Variants in RNF182 observed in about 807,000 individuals in gnomAD.
The protein encoded by RNF182 is ring finger protein 182.
In RNF182, 15 loss-of-function variants were observed where a neutral mutation model predicts 14.4. The ratio of observed to expected loss-of-function variants is 1.04; its 90% CI spans 0.70 to 1.60. The LOEUF is 1.60. Ranked by LOEUF, RNF182 falls within the 40% of genes most tolerant of loss-of-function variation. RNF182 has a pLI of 0.00. For missense variants in RNF182, 268 were observed against 294.8 expected (o/e 0.91, Z 0.67); for synonymous variants, 128 against 122.9 (o/e 1.04, Z -0.27).
intron 1 of RNF182, among the ~76,000 whole-genome samples, chr6:13,961,799 T>A (rs1759891058): frequency 6.6e-6 from 1 of 152,166 alleles, no homozygotes; most frequent in Non-Finnish European, 1.5e-5. Flanking sequence ...GAGTTTTAAT[T>A]GTTGAGGGAG....
intron 1 of RNF182, among the ~76,000 whole-genome samples, chr6:13,962,979 G>GT (rs1379532879): frequency 1.3e-5 from 2 of 151,868 alleles, no homozygotes; most frequent in Admixed American, 6.6e-5. Context: ...TTTTTGTTTT[G>GT]TTTTTTTGAG....
intron 1 of RNF182, among the ~76,000 whole-genome samples, chr6:13,937,277 T>C (rs1231304368): frequency 6.6e-6 from 1 of 152,222 alleles, no homozygotes; most frequent in East Asian, 1.9e-4. Context: ...CATCAAAAAA[T>C]AGAAGATTAC....
intron 1 of RNF182, chr6:13,961,601 C>A (rs1029211259): frequency 3.9e-5 from 6 of 152,120 alleles, no homozygotes; most frequent in African/African-American, 9.7e-5. Context: ...TATTCCTGAA[C>A]ATTTATTGGT....
chr6:13,962,002 A>G (rs1006076982), intron 1 of RNF182, among the ~76,000 whole-genome samples: 3 of 152,166 alleles, frequency 2.0e-5, no homozygotes, highest in African/African-American at 4.8e-5. Flanking sequence ...TGGCATTTTA[A>G]TGAAAGGCAT....
intron 2 of RNF182, among the ~76,000 whole-genome samples, chr6:13,976,209 T>C (rs1365453111): frequency 6.6e-6 from 1 of 152,234 alleles, no homozygotes; most frequent in African/African-American, 2.4e-5. Flanking sequence ...GGACTTAGAC[T>C]TGACTTGTTC....
intron 1 of RNF182, among the ~76,000 whole-genome samples, chr6:13,963,578 TCA>T (rs1384904157): frequency 4.6e-5 from 7 of 152,212 alleles, no homozygotes; most frequent in Admixed American, 4.6e-4. Flanking sequence ...TCTAATGGTC[TCA>T]CATGACTAGA....
At chr6:13,960,694 C>T (rs570360477) in intron 1 of RNF182, among the ~76,000 whole-genome samples, 21 of 116,606 alleles carry the variant, frequency 1.8e-4, no homozygotes, top group South Asian at 5.8e-4. Context: ...TGTGTGTGTG[C>T]GCGCGTGCAC....
At chr6:13,928,083 G>A (rs1341262351) in intron 1 of RNF182, among the ~76,000 whole-genome samples, 1 of 152,160 alleles carries the variant, frequency 6.6e-6, no homozygotes, top group Non-Finnish European at 1.5e-5. Flanking sequence ...ATTGATAGAA[G>A]CTGAAAAACT....
At chr6:13,949,058 C>T (rs1759515500) in intron 1 of RNF182, 1 of 643,306 alleles carries the variant, frequency 1.6e-6, no homozygotes, top group South Asian at 1.8e-5. Flanking sequence ...TTTTCACAAA[C>T]CTTTTATAAC....
At position 13,935,405 on chromosome 6, in the gene RNF182, TCA is replaced by T. The variant is rs983139023; in HGVS notation, c.-367+10391_-367+10392del. Among the ~76,000 whole-genome samples, 5 of 152,152 alleles carry T rather than the reference TCA, an allele frequency of 3.3e-5. No individual in the cohort carries two copies. In the East Asian group the frequency reaches 7.7e-4, roughly 23 times the overall value. Reference sequence around the variant, plus strand: ...CTGTCAATTCAGCATTTTCCATATTTCACACACACAAGATATGTGTGTGTATC... The same window carrying T: ...CTGTCAATTCAGCATTTTCCATATTTCACACACAAGATATGTGTGTGTATC... On this transcript the variant is annotated intron_variant, in intron 1 of 2. Transcript: ENST00000488300.
intron 1 of RNF182, among the ~76,000 whole-genome samples, chr6:13,931,999 A>AT: frequency 6.6e-6 from 1 of 152,048 alleles, no homozygotes; most frequent in Admixed American, 6.5e-5. Context: ...CTGTGAACCA[A>AT]TAAGTGGTCT....
intron 1 of RNF182, among the ~76,000 whole-genome samples, chr6:13,962,744 C>G (rs763070048): frequency 3.3e-5 from 5 of 152,132 alleles, no homozygotes; most frequent in Non-Finnish European, 7.4e-5. Context: ...TGAAATTTGA[C>G]AGTTGTCTTT....
intron 1 of RNF182, among the ~76,000 whole-genome samples, chr6:13,967,031 C>G (rs976545558): frequency 6.6e-6 from 1 of 151,970 alleles, no homozygotes; most frequent in Non-Finnish European, 1.5e-5. Flanking sequence ...AGAGACAGAG[C>G]TTTGCCTTGT....
At chr6:13,935,422 G>A (rs146340915) in intron 1 of RNF182, among the ~76,000 whole-genome samples, 63 of 152,132 alleles carry the variant, frequency 4.1e-4, no homozygotes, top group African/African-American at 1.3e-3. Flanking sequence ...CACAAGATAT[G>A]TGTGTGTATC....
intron 1 of RNF182, among the ~76,000 whole-genome samples, chr6:13,958,497 G>A (rs1479239631): frequency 6.6e-6 from 1 of 152,176 alleles, no homozygotes; most frequent in East Asian, 1.9e-4. Context: ...ACTCAGAAGG[G>A]TGTGGTATAC....
chr6:13,978,678 G>C lies in RNF182; in HGVS notation c.*815G>C, dbSNP rs1237999218. The C allele has an allele frequency of 6.0e-6, 1 of 166,754 alleles. No homozygotes were observed. The highest frequency in any genetic ancestry group is 2.4e-5 in the African/African-American group (1 of 41,352). 10.3% of individuals were successfully genotyped at this position (166,754 alleles called of 1,614,324 possible). A position where few individuals can be genotyped will look rare whatever the true frequency, so the allele number is the denominator to read the frequency against. On this transcript the variant is annotated 3_prime_UTR_variant, in exon 3 of 3. Transcript: ENST00000488300. ...TCTTTCCTTATAACATCTTAGTTTT[G>C]GTTTTTTTAAACCACATTGCCCAAT...
At position 13,978,939 on chromosome 6, in the gene RNF182, A is replaced by C. The variant is rs1194914023; in HGVS notation, c.*1076A>C. ...GCTGTACGGTACTGAGCTGTACCAA[A>C]ATATGATGGTTTAGGTTTATGTGCA... On this transcript the variant is annotated 3_prime_UTR_variant, in exon 3 of 3. Transcript: ENST00000488300. The C allele has an allele frequency of 6.0e-6, 1 of 167,064 alleles. No individual in the cohort carries two copies. The highest frequency in any genetic ancestry group is 2.4e-5 in the African/African-American group (1 of 41,440). The allele number at this position is 167,064 out of a possible 1,614,324, so 10.3% of individuals were successfully genotyped here. A position where few individuals can be genotyped will look rare whatever the true frequency, so the allele number is the denominator to read the frequency against.
chr6:13,960,697 G>GCGCGTGCA (rs140903588), intron 1 of RNF182, among the ~76,000 whole-genome samples: 3 of 149,838 alleles, frequency 2.0e-5, no homozygotes, highest in South Asian at 2.1e-4. Context: ...GTGTGTGCGC[G>GCGCGTGCA]CGTGCACATG....
intron 1 of RNF182, among the ~76,000 whole-genome samples, chr6:13,938,693 A>G (rs542361452): frequency 2.0e-5 from 3 of 152,180 alleles, no homozygotes; most frequent in Non-Finnish European, 4.4e-5. Flanking sequence ...TTATTTATTG[A>G]AAATATTATC....
Sources: gnomAD v4.1 joint callset for allele counts (sites outside exome capture counted in the v4.1 genomes callset) on GRCh38, gnomAD v4.1.1 for gene constraint, MANE v1.5 for transcripts, NCBI Gene and HGNC (gene_info 2026-07-23, HGNC 2026-07-21) for gene names.